INTS6: variants seen among roughly 807,000 people sequenced by gnomAD.
INTS6 encodes integrator complex subunit 6.
INTS6 carries 16 observed loss-of-function variants against 104.9 expected under a neutral mutation model. The ratio of observed to expected loss-of-function variants is 0.15; its 90% CI spans 0.10 to 0.23. The LOEUF (loss-of-function observed/expected upper bound fraction) is 0.23, where lower values mean the gene tolerates loss of function less well. Among genes scored for constraint, INTS6 ranks in the 10% least tolerant of loss-of-function variants. The probability of loss-of-function intolerance (pLI) is 1.00; values close to 1 mark genes in which losing one functional copy is unlikely to be tolerated. For missense variants in INTS6, 584 were observed against 1,062.8 expected (o/e 0.55, Z 6.26); for synonymous variants, 324 against 358.7 (o/e 0.90, Z 1.09).
At chr13:51,391,945 C>T (rs371742665) in intron 5 of INTS6, among the ~76,000 whole-genome samples, 1 of 152,152 alleles carries the variant, frequency 6.6e-6, no homozygotes, top group African/African-American at 2.4e-5. Flanking sequence ...CCCCAGTGTA[C>T]CATCTCAGTC....
rs751177268 is a variant in INTS6, at chr13:51,430,197, TCAA to T, written c.429+94_429+96del. 9.3e-5 allele frequency: 89 copies of T among 955,010 alleles called. No homozygotes were observed. The African/African-American group carries it at 1.3e-3, about 14-fold the overall frequency. 59.2% of individuals were successfully genotyped at this position (955,010 alleles called of 1,614,324 possible). ...GATGACTCTAAATTGCATCAAATAATCAACGAGAGAACCTATTAAAGGTGTTCA... is the reference window on the plus strand; with the variant it reads ...GATGACTCTAAATTGCATCAAATAATCGAGAGAACCTATTAAAGGTGTTCA... On this transcript the variant is annotated intron_variant, in intron 4 of 17. Transcript: ENST00000311234.
At chr13:51,401,390 A>G (rs1446730279) in intron 4 of INTS6, among the ~76,000 whole-genome samples, 2 of 152,158 alleles carry the variant, frequency 1.3e-5, no homozygotes, top group Non-Finnish European at 1.5e-5. Flanking sequence ...TCAGAGCTGT[A>G]TTTAACAGAA....
chr13:51,399,433 T>G (rs1956395760), intron 4 of INTS6, among the ~76,000 whole-genome samples: 1 of 152,170 alleles, frequency 6.6e-6, no homozygotes, highest in African/African-American at 2.4e-5. Context: ...TCCGTAATTA[T>G]CCTTTTGAAT....
chr13:51,453,006 C>A lies in INTS6; in HGVS notation c.-481G>T. 3.0e-6 allele frequency: 3 copies of A among 1,012,738 alleles called. No individual in the cohort carries two copies. Among genetic ancestry groups the A allele is most frequent in the Non-Finnish European group, 3.5e-6 (3 of 846,734 alleles). 62.7% of individuals were successfully genotyped at this position (1,012,738 alleles called of 1,614,324 possible). Reference sequence around the variant, plus strand: ...CTCCCTCCGCACCCCGGCGGTGTCACCACTTTCTCAGCCCCTCTCGCTACT... The same window carrying A: ...CTCCCTCCGCACCCCGGCGGTGTCAACACTTTCTCAGCCCCTCTCGCTACT... On this transcript the variant is annotated 5_prime_UTR_variant, in exon 1 of 18. Coordinates refer to ENST00000311234, the MANE Select transcript of INTS6 (RefSeq NM_012141.3).
intron 3 of INTS6, among the ~76,000 whole-genome samples, chr13:51,432,750 G>A (rs1240315292): frequency 6.6e-6 from 1 of 152,186 alleles, no homozygotes; most frequent in Non-Finnish European, 1.5e-5. Flanking sequence ...AATTTGCTGG[G>A]CTACTAGAGT....
rs752671964 is a variant in INTS6 at position 51,389,377 on chromosome 13, T to C, written c.681A>G (p.Val227=). 1.2e-6 allele frequency: 2 copies of C among 1,613,850 alleles called. No homozygotes were observed. The highest frequency in any genetic ancestry group is 1.1e-5 in the South Asian group (1 of 91,070). Residue 227 remains valine, a synonymous_variant, in exon 6 of 18, where the codon GTA becomes GTG. Transcript: ENST00000311234. ...CAAAGTTTATTACCACCCCACTTTG[T>C]ACTTTCTGCACCAAGGACTCCAGAC... ...NQCLESLVQK[V]QSGVVINFEK... is the part of the protein sequence containing the mutation.
the INTS6 span, chr13:51,341,380 C>A: frequency 6.5e-7 from 1 of 1,544,982 alleles, no homozygotes; most frequent in Non-Finnish European, 8.8e-7. Flanking sequence ...CACTCACTTA[C>A]CCTCCTGTTC....
At chr13:51,381,461 CTG>C (rs534087055) in intron 10 of INTS6, among the ~76,000 whole-genome samples, 368 of 152,202 alleles carry the variant, frequency 2.4e-3, no homozygotes, top group African/African-American at 8.2e-3. Context: ...CATAGGGTAA[CTG>C]TATAAATTAA....
intron 4 of INTS6, among the ~76,000 whole-genome samples, chr13:51,409,859 A>G (rs1390267550): frequency 6.6e-6 from 1 of 152,202 alleles, no homozygotes; most frequent in Non-Finnish European, 1.5e-5. Context: ...TTGTACGTAA[A>G]AAGCTTCAAG....
At chr13:51,441,919 C>T (rs1286480894) in intron 3 of INTS6, 1 of 151,018 alleles carries the variant, frequency 6.6e-6, no homozygotes, top group East Asian at 2.0e-4. Flanking sequence ...CTCCTAGGTT[C>T]AAGTGACTCT....
chr13:51,411,999 T>C lies in INTS6; in HGVS notation c.430-16516A>G, dbSNP rs148658678. ...AATAAAAAGAAACAATCTACTGACA[T>C]ATGCAGCAAGAATGAATCTCAAGAG... On this transcript the variant is annotated intron_variant, in intron 4 of 17. Transcript: ENST00000311234. Among the ~76,000 whole-genome samples, 28 of 152,300 alleles carry C rather than the reference T, an allele frequency of 1.8e-4. 1 individual carries two copies. In the South Asian group the frequency reaches 2.3e-3, roughly 12 times the overall value.
chr13:51,342,714 TCAGGTCA>T, the INTS6 span, among the ~76,000 whole-genome samples: 8 of 152,162 alleles, frequency 5.3e-5, no homozygotes, highest in African/African-American at 1.9e-4. Flanking sequence ...TGACCATTCC[TCAGGTCA>T]CACCACACTA....
At chr13:51,418,321 T>C (rs971115182) in intron 4 of INTS6, among the ~76,000 whole-genome samples, 1 of 152,184 alleles carries the variant, frequency 6.6e-6, no homozygotes, top group African/African-American at 2.4e-5. Flanking sequence ...GGAAACAATT[T>C]ATAAATTTAA....
At chr13:51,369,386 A>G in intron 15 of INTS6, 76 bp from the exon 16 acceptor site, 1 of 1,397,688 alleles carries the variant, frequency 7.2e-7, no homozygotes. Flanking sequence ...ACAAAAGAAC[A>G]TTACTACAGC....
chr13:51,421,033 G>T, intron 4 of INTS6: 1 of 621,590 alleles, frequency 1.6e-6, no homozygotes. Flanking sequence ...ATCAGTTTAG[G>T]GTTGTCATTC....
intron 17 of INTS6, among the ~76,000 whole-genome samples, chr13:51,366,874 G>T (rs1955702327): frequency 2.0e-5 from 3 of 151,978 alleles, no homozygotes; most frequent in Admixed American, 1.3e-4. Flanking sequence ...GATGTGATAA[G>T]CCCCAAGTTT....
At chr13:51,374,577 C>CT in intron 14 of INTS6, 77 bp downstream of exon 14, 1 of 1,560,762 alleles carries the variant, frequency 6.4e-7, no homozygotes, top group East Asian at 2.3e-5. Context: ...CTTCAGCTTA[C>CT]TTCAGTTAAA....
chr13:51,355,055 A>T, intron 3 of INTS6: 1 of 1,532,764 alleles, frequency 6.5e-7, no homozygotes, highest in Non-Finnish European at 8.9e-7. Flanking sequence ...TTAGGATCCA[A>T]AATCAATTCA....
chr13:51,434,531 A>G (rs1184511025), intron 3 of INTS6, among the ~76,000 whole-genome samples: 1 of 152,172 alleles, frequency 6.6e-6, no homozygotes, highest in South Asian at 2.1e-4. Context: ...GTCAAGAATC[A>G]CACTAAGAAA....
Sources: allele counts gnomAD v4.1 joint callset (sites outside exome capture counted in the v4.1 genomes callset), GRCh38; gene constraint gnomAD v4.1.1; transcripts MANE v1.5; gene names NCBI Gene and HGNC (gene_info 2026-07-23, HGNC 2026-07-21).